Variants in NAV2 observed in about 807,000 individuals in gnomAD.
NAV2 encodes the protein neuron navigator 2, also known as helicase, APC down-regulated 1.
A neutral mutation model predicts 223.2 loss-of-function variants in NAV2; 54 were observed. That is an observed-to-expected ratio of 0.24 (90% CI 0.19 to 0.30). The LOEUF is 0.30. Among genes scored for constraint, NAV2 ranks in the 10% least tolerant of loss-of-function variants. The pLI is 1.00. For missense variants in NAV2, 2,806 were observed against 3,147.5 expected (o/e 0.89, Z 2.60); for synonymous variants, 1,279 against 1,239.3 (o/e 1.03, Z -0.67).
chr11:19,847,262 G>T (rs1469700778), intron 3 of NAV2, among the ~76,000 whole-genome samples: 2 of 152,184 alleles, frequency 1.3e-5, no homozygotes, highest in Non-Finnish European at 2.9e-5. Context: ...GTGGCAGGGG[G>T]TGGTTTTCTT....
At chr11:20,112,008 C>A (rs1207472315) in intron 36 of NAV2, among the ~76,000 whole-genome samples, 8 of 152,170 alleles carry the variant, frequency 5.3e-5, no homozygotes, top group Non-Finnish European at 1.2e-4. Flanking sequence ...GAGACAGAAG[C>A]AGTAGCTGTC....
chr11:19,780,695 A>C (rs2056660584), intron 1 of NAV2, among the ~76,000 whole-genome samples: 1 of 152,354 alleles, frequency 6.6e-6, no homozygotes, highest in East Asian at 1.9e-4. Context: ...AGGGAAAAAA[A>C]TGTATCCGGA....
In NAV2 at chr11:19,869,872, G is replaced by A. The variant is rs566264649; in HGVS notation, c.511+875G>A. 2.0e-4 allele frequency among the ~76,000 whole-genome samples: 31 copies of A among 152,328 alleles called. No homozygotes were observed. In the East Asian group the frequency reaches 5.8e-3, roughly 28 times the overall value. ...AGGAAGGAAACAGCCAAATTGAGCA[G>A]GTAAGTTTGCAAGCATGATGGATTC... is the stretch of plus-strand genomic sequence containing the variant. On this transcript the variant is annotated intron_variant, in intron 4 of 37. Transcript: ENST00000349880.
At chr11:19,945,334 T>C (rs2046850896) in intron 8 of NAV2, among the ~76,000 whole-genome samples, 1 of 123,722 alleles carries the variant, frequency 8.1e-6, no homozygotes, top group African/African-American at 3.2e-5. Context: ...CCTTCTTTCC[T>C]TTCTTTCCTT....
At chr11:19,917,796 G>T (rs1223047127) in intron 6 of NAV2, among the ~76,000 whole-genome samples, 1 of 152,196 alleles carries the variant, frequency 6.6e-6, no homozygotes, top group Non-Finnish European at 1.5e-5. Flanking sequence ...ATTTTTAGTA[G>T]ACACAGGGTT....
chr11:19,610,722 A>C (rs1405465066), intron 1 of NAV2, among the ~76,000 whole-genome samples: 1 of 151,930 alleles, frequency 6.6e-6, no homozygotes, highest in Non-Finnish European at 1.5e-5. Flanking sequence ...GGATGGATGG[A>C]TAAGTGGATG....
At chr11:19,813,098 G>T (rs1193022299) in intron 1 of NAV2, among the ~76,000 whole-genome samples, 1 of 152,150 alleles carries the variant, frequency 6.6e-6, no homozygotes, top group African/African-American at 2.4e-5. Context: ...CTTTGCAGGA[G>T]TGAGACCTTT....
chr11:19,850,880 T>C (rs1485915741), intron 3 of NAV2, among the ~76,000 whole-genome samples: 1 of 152,212 alleles, frequency 6.6e-6, no homozygotes, highest in African/African-American at 2.4e-5. Flanking sequence ...GAATATATTT[T>C]ATCCATTCCA....
At chr11:19,854,018 C>G (rs2061286772) in intron 3 of NAV2, among the ~76,000 whole-genome samples, 1 of 152,132 alleles carries the variant, frequency 6.6e-6, no homozygotes, top group Non-Finnish European at 1.5e-5. Context: ...AAATGTGAGG[C>G]TGACCGAGGT....
chr11:19,915,108 TG>T (rs758159858), intron 6 of NAV2, among the ~76,000 whole-genome samples: 5 of 152,354 alleles, frequency 3.3e-5, no homozygotes, highest in African/African-American at 7.2e-5. Flanking sequence ...TAGTCAAAGT[TG>T]GTGCACAGCT....
At chr11:19,589,701 C>G (rs1302137320) in intron 1 of NAV2, among the ~76,000 whole-genome samples, 3 of 152,154 alleles carry the variant, frequency 2.0e-5, no homozygotes, top group East Asian at 3.8e-4. Flanking sequence ...GAGCCACAGC[C>G]CCTTTCAGAA....
At chr11:20,095,869 G>T in intron 30 of NAV2, 102 bp downstream of exon 30, 1 of 816,732 alleles carries the variant, frequency 1.2e-6, no homozygotes, top group South Asian at 1.4e-5. Flanking sequence ...CCATTTCTCA[G>T]ACCTGTCCCC....
intron 1 of NAV2, among the ~76,000 whole-genome samples, chr11:19,800,677 G>GTGTT (rs2058196624): frequency 7.2e-6 from 1 of 138,402 alleles, no homozygotes; most frequent in African/African-American, 2.8e-5. Context: ...GAATGGGTGT[G>GTGTT]TGTGTGTGTG....
At chr11:19,480,954 C>A (rs1023628863) in intron 1 of NAV2, among the ~76,000 whole-genome samples, 9 of 152,150 alleles carry the variant, frequency 5.9e-5, no homozygotes, top group Non-Finnish European at 2.9e-5. Context: ...GCAGATAGAG[C>A]CTGAAGGGGA....
At chr11:19,865,133 A>C (rs2062015402) in intron 3 of NAV2, among the ~76,000 whole-genome samples, 1 of 152,216 alleles carries the variant, frequency 6.6e-6, no homozygotes, top group Non-Finnish European at 1.5e-5. Flanking sequence ...TCTTATTTAC[A>C]TACTTTGCTG....
chr11:19,612,835 T>A (rs907925901), intron 1 of NAV2, among the ~76,000 whole-genome samples: 2 of 152,216 alleles, frequency 1.3e-5, no homozygotes, highest in South Asian at 4.1e-4. Flanking sequence ...CGCTTCCACC[T>A]TATCAGGTGT....
At chr11:19,701,997 T>A (rs1410813191) in intron 1 of NAV2, among the ~76,000 whole-genome samples, 1 of 152,220 alleles carries the variant, frequency 6.6e-6, no homozygotes, top group Non-Finnish European at 1.5e-5. Context: ...AATTCCCTTT[T>A]ACATGTGCCC....
In NAV2 at chr11:19,998,586, C is replaced by T. The variant is rs1452410560; in HGVS notation, c.2768+14339C>T. Among the ~76,000 whole-genome samples the T allele has an allele frequency of 6.6e-6, 1 of 152,146 alleles. No individual in the cohort carries two copies. The highest frequency in any genetic ancestry group is 2.4e-5 in the African/African-American group (1 of 41,426). On this transcript the variant is annotated intron_variant, in intron 11 of 37. Coordinates refer to ENST00000349880, the MANE Select transcript of NAV2 (RefSeq NM_145117.5). The surrounding 1 kb of genome is among the most constrained non-coding windows in gnomAD (Gnocchi z 5.0). ...TCTGGCCCCTGCGCACCTCTCCAGC[C>T]TCACCTCATCACGCTTTACCTCCCT...
At chr11:19,588,397 C>A (rs10766573) in intron 1 of NAV2, among the ~76,000 whole-genome samples, 101,166 of 152,162 alleles carry the variant, frequency 0.66, 40,328 homozygotes, top group Non-Finnish European at 0.88. Context: ...AGGCCCATAG[C>A]TGCAAAAATG....
Sources: gnomAD v4.1 joint callset for allele counts (sites outside exome capture counted in the v4.1 genomes callset) on GRCh38, gnomAD v4.1.1 for gene constraint, Gnocchi (gnomAD v3.1) non-coding constraint, MANE v1.5 for transcripts, NCBI Gene and HGNC (gene_info 2026-07-23, HGNC 2026-07-21) for gene names.